Variants in MTHFS observed in about 807,000 individuals in gnomAD.
The protein encoded by MTHFS is methenyltetrahydrofolate synthetase.
In MTHFS, 7 loss-of-function variants were observed where a neutral mutation model predicts 12.7. That is an observed-to-expected ratio of 0.55 (90% CI 0.31 to 1.03). MTHFS has a LOEUF of 1.03. Among genes scored for constraint, MTHFS ranks in the 50% least tolerant of loss-of-function variants. MTHFS has a pLI of 0.05. For missense variants in MTHFS, 252 were observed against 258.1 expected (o/e 0.98, Z 0.16); for synonymous variants, 100 against 97.1 (o/e 1.03, Z -0.18).
intron 1 of MTHFS, among the ~76,000 whole-genome samples, chr15:79,895,788 A>G (rs751470999): frequency 6.6e-6 from 1 of 152,254 alleles, no homozygotes; most frequent in Non-Finnish European, 1.5e-5. Context: ...AACGGATAAT[A>G]GAATAGTGAA....
At chr15:79,859,677 G>A (rs908887320) in intron 2 of MTHFS, among the ~76,000 whole-genome samples, 3 of 152,098 alleles carry the variant, frequency 2.0e-5, no homozygotes, top group Admixed American at 6.6e-5. Flanking sequence ...AATTAGCCAG[G>A]CATAATGGCG....
chr15:79,892,530 A>C (rs1235424420), intron 1 of MTHFS, among the ~76,000 whole-genome samples: 1 of 152,244 alleles, frequency 6.6e-6, no homozygotes, highest in Non-Finnish European at 1.5e-5. Flanking sequence ...TATGGGGGAA[A>C]AGAGAAAAGC....
At chr15:79,885,920 A>T (rs1449351201) in intron 2 of MTHFS, among the ~76,000 whole-genome samples, 1 of 152,194 alleles carries the variant, frequency 6.6e-6, no homozygotes, top group African/African-American at 2.4e-5. Context: ...GGGCCAATAA[A>T]ATCTCATTTT....
intron 1 of MTHFS, among the ~76,000 whole-genome samples, chr15:79,892,351 G>A (rs2034489022): frequency 6.6e-6 from 1 of 152,070 alleles, no homozygotes; most frequent in South Asian, 2.1e-4. Context: ...AAAGAGAGTG[G>A]ATTTATTTTA....
At chr15:79,876,348 C>T (rs1169100042) in intron 2 of MTHFS, 2 of 152,246 alleles carry the variant, frequency 1.3e-5, no homozygotes, top group Non-Finnish European at 2.9e-5. Flanking sequence ...CGCAATGGCT[C>T]ATGCCTGTAA....
At chr15:79,856,942 G>A (rs2033817367) in intron 2 of MTHFS, among the ~76,000 whole-genome samples, 1 of 148,916 alleles carries the variant, frequency 6.7e-6, no homozygotes, top group Non-Finnish European at 1.5e-5. Context: ...ATACAACGGT[G>A]TTTTGGAGCT....
At chr15:79,854,449 C>G (rs538936840) in intron 2 of MTHFS, among the ~76,000 whole-genome samples, 9 of 152,182 alleles carry the variant, frequency 5.9e-5, no homozygotes, top group Middle Eastern at 3.2e-3. Context: ...GTCTTCATTG[C>G]TGCCTGCTGA....
chr15:79,894,079 T>C (rs2034522820), intron 1 of MTHFS, among the ~76,000 whole-genome samples: 1 of 152,086 alleles, frequency 6.6e-6, no homozygotes, highest in South Asian at 2.1e-4. Flanking sequence ...TTAAATGAAA[T>C]AGAATAGAAA....
chr15:79,896,668 G>C, intron 1 of MTHFS: 1 of 900,570 alleles, frequency 1.1e-6, no homozygotes, highest in African/African-American at 1.8e-5. Flanking sequence ...TCACTACCGG[G>C]CCCTCTCCCC....
chr15:79,865,824 A>G (rs1270786657), intron 2 of MTHFS, among the ~76,000 whole-genome samples: 2 of 152,224 alleles, frequency 1.3e-5, no homozygotes, highest in Non-Finnish European at 2.9e-5. Flanking sequence ...GCAGGTGCCT[A>G]CAATAATCGC....
At chr15:79,876,507 C>G (rs750598530) in intron 2 of MTHFS, 1 of 150,034 alleles carries the variant, frequency 6.7e-6, no homozygotes, top group South Asian at 2.1e-4. Flanking sequence ...CCCAGCTACT[C>G]AGGAGGCTGA....
intron 2 of MTHFS, among the ~76,000 whole-genome samples, chr15:79,860,793 AC>A (rs1474707269): frequency 6.6e-6 from 1 of 152,212 alleles, no homozygotes; most frequent in African/African-American, 2.4e-5. Context: ...TCTGAGAATA[AC>A]TTTTTCAATA....
chr15:79,857,289 G>A (rs780123715), intron 2 of MTHFS, among the ~76,000 whole-genome samples: 6 of 151,994 alleles, frequency 3.9e-5, no homozygotes, highest in East Asian at 1.9e-4. Context: ...ATGAGCCACC[G>A]TGCCTGGCCC....
chr15:79,885,022 A>C (rs1032986381), intron 2 of MTHFS, among the ~76,000 whole-genome samples: 2 of 152,248 alleles, frequency 1.3e-5, no homozygotes, highest in African/African-American at 4.8e-5. Context: ...CCTCCTGAGG[A>C]TATCATGACT....
chr15:79,866,527 C>G (rs1166334374), intron 2 of MTHFS, among the ~76,000 whole-genome samples: 1 of 152,136 alleles, frequency 6.6e-6, no homozygotes, highest in Non-Finnish European at 1.5e-5. Flanking sequence ...GGATGACAGC[C>G]AAGCAGACAG....
intron 1 of MTHFS, among the ~76,000 whole-genome samples, chr15:79,891,568 A>G (rs890777712): frequency 2.0e-5 from 3 of 152,234 alleles, no homozygotes; most frequent in Admixed American, 6.5e-5. Flanking sequence ...GGAGTAGGGG[A>G]AAAGGCAAAA....
intron 2 of MTHFS, among the ~76,000 whole-genome samples, chr15:79,878,465 AGG>A (rs1415759641): frequency 1.3e-5 from 2 of 150,436 alleles, no homozygotes; most frequent in Non-Finnish European, 1.5e-5. Flanking sequence ...TTCATAACTC[AGG>A]ATTACACATG....
At chr15:79,887,844 C>G (rs2034407314) in intron 2 of MTHFS, among the ~76,000 whole-genome samples, 1 of 152,054 alleles carries the variant, frequency 6.6e-6, no homozygotes, top group Non-Finnish European at 1.5e-5. Context: ...ATTTTTGGTG[C>G]CTAACATCTA....
chr15:79,878,860 C>G (rs941897030), intron 2 of MTHFS, among the ~76,000 whole-genome samples: 1 of 116,880 alleles, frequency 8.6e-6, no homozygotes, highest in Admixed American at 8.4e-5. Flanking sequence ...AAGCTTATTC[C>G]CTTTTTTTTT....
Sources: gnomAD v4.1 joint callset for allele counts (sites outside exome capture counted in the v4.1 genomes callset) on GRCh38, gnomAD v4.1.1 for gene constraint, MANE v1.5 for transcripts, NCBI Gene and HGNC (gene_info 2026-07-23, HGNC 2026-07-21) for gene names.